HECTD2: variants seen among roughly 807,000 people sequenced by gnomAD.
HECTD2 encodes the protein probable E3 ubiquitin-protein ligase HECTD2.
In HECTD2, 35 loss-of-function variants were observed where a neutral mutation model predicts 103.2. The ratio of observed to expected loss-of-function variants is 0.34; its 90% CI spans 0.26 to 0.45. The LOEUF (loss-of-function observed/expected upper bound fraction) is 0.45, where lower values mean the gene tolerates loss of function less well. Among genes scored for constraint, HECTD2 ranks in the 20% least tolerant of loss-of-function variants. The pLI, the probability that HECTD2 is intolerant of heterozygous loss-of-function variation, is 1.00. For synonymous variants in HECTD2, 281 were observed against 329.9 expected (o/e 0.85, Z 1.61); for missense variants, 596 against 937.4 (o/e 0.64, Z 4.76).
rs554730817 is a variant in HECTD2 at position 91,483,176 on chromosome 10, T to G, written c.821+100T>G. The G allele has an allele frequency of 1.8e-4, 88 of 483,898 alleles. 1 individual carries two copies. The highest frequency in any genetic ancestry group is 1.7e-3 in the Middle Eastern group (3 of 1,800). 30.0% of individuals were successfully genotyped at this position (483,898 alleles called of 1,614,324 possible). ...AATATATTTAAATATTTTCAGGTCT[T>G]TAGAAATGATGCTTATATTCACAAT... On this transcript the variant is annotated intron_variant, in intron 8 of 20. Coordinates refer to ENST00000298068, the MANE Select transcript of HECTD2 (RefSeq NM_182765.6).
intron 2 of HECTD2, among the ~76,000 whole-genome samples, chr10:91,450,920 G>A (rs1442970380): frequency 6.6e-6 from 1 of 152,108 alleles, no homozygotes; most frequent in Non-Finnish European, 1.5e-5. Context: ...GTTGGTGGGA[G>A]TGTAAATTCA....
chr10:91,426,850 A>G (rs1248477946), intron 2 of HECTD2, among the ~76,000 whole-genome samples: 1 of 150,242 alleles, frequency 6.7e-6, no homozygotes, highest in Non-Finnish European at 1.5e-5. Context: ...AACTTGGGGT[A>G]TTTTTTTTTA....
intron 15 of HECTD2, 24 bp from the exon 16 acceptor site, chr10:91,498,084 T>C (rs764506596): frequency 2.6e-6 from 4 of 1,534,796 alleles, no homozygotes; most frequent in Non-Finnish European, 9.0e-7. Flanking sequence ...ATTGAAAAAA[T>C]CATTAACAGA....
intron 20 of HECTD2, among the ~76,000 whole-genome samples, chr10:91,509,140 G>T (rs1451029014): frequency 2.6e-5 from 3 of 113,520 alleles, no homozygotes; most frequent in African/African-American, 6.7e-5. Flanking sequence ...GGGGGGAGGG[G>T]GGAGGGATAG....
At chr10:91,427,137 G>C (rs1263314766) in intron 2 of HECTD2, among the ~76,000 whole-genome samples, 1 of 150,778 alleles carries the variant, frequency 6.6e-6, no homozygotes, top group Non-Finnish European at 1.5e-5. Context: ...TACTGAGAAT[G>C]ATGATTTCCA....
chr10:91,443,276 C>T (rs1284904850), intron 2 of HECTD2, among the ~76,000 whole-genome samples: 2 of 103,054 alleles, frequency 1.9e-5, no homozygotes, highest in Non-Finnish European at 3.7e-5. Flanking sequence ...TTTGTGTGGA[C>T]ATCCTTTTTG....
At chr10:91,445,618 C>T (rs11186572) in intron 2 of HECTD2, among the ~76,000 whole-genome samples, 15,468 of 152,028 alleles carry the variant, frequency 0.1, 1,012 homozygotes, top group East Asian at 0.16. Context: ...GGAACAGCTC[C>T]GGTCTGCAGC....
At chr10:91,488,712 GGTGA>G (rs764631054) in intron 11 of HECTD2, 1 of 152,122 alleles carries the variant, frequency 6.6e-6, no homozygotes, top group Non-Finnish European at 1.5e-5. Context: ...GTTCCCAGAA[GGTGA>G]GTATTTCTTT....
intron 1 of HECTD2, among the ~76,000 whole-genome samples, chr10:91,420,592 GAA>G (rs770680688): frequency 1.9e-5 from 2 of 105,162 alleles, no homozygotes. Flanking sequence ...TATCTCAAAA[GAA>G]AAAAAAAAAA....
Position 91,493,398 on chromosome 10 carries a change from CATT to C in HECTD2, c.1433-18_1433-16del, listed in dbSNP as rs1012393142. ...TTTAAGTCAATCATGTTAATAATAACATTATTCGTGTGTTTTTTTAGGCATGTT... is the reference window on the plus strand; with the variant it reads ...TTTAAGTCAATCATGTTAATAATAACATTCGTGTGTTTTTTTAGGCATGTT... On this transcript the variant is annotated intron_variant, in intron 13 of 20. Transcript: ENST00000298068. 6.7e-6 allele frequency: 9 copies of C among 1,345,296 alleles called. No individual in the cohort carries two copies. The highest frequency in any genetic ancestry group is 1.5e-5 in the African/African-American group (1 of 66,346). 83.3% of individuals were successfully genotyped at this position (1,345,296 alleles called of 1,614,324 possible). A position where few individuals can be genotyped will look rare whatever the true frequency, so the allele number is the denominator to read the frequency against.
rs147406640 is a variant in HECTD2, at chr10:91,479,600, C to G, written c.665+1335C>G. Among the ~76,000 whole-genome samples the G allele has an allele frequency of 3.4e-3, 521 of 152,148 alleles. 3 individuals are homozygous for G. Among genetic ancestry groups the G allele is most frequent in the South Asian group, 7.1e-3 (34 of 4,812 alleles). ...GTACTGTAATTTACCTAACCATTCT[C>G]CAAGAATGGTTGTTTATGTGAATAA... On this transcript the variant is annotated intron_variant, in intron 6 of 20. Coordinates refer to ENST00000298068, the MANE Select transcript of HECTD2 (RefSeq NM_182765.6).
At chr10:91,438,944 T>C (rs1844262895) in intron 2 of HECTD2, among the ~76,000 whole-genome samples, 1 of 152,184 alleles carries the variant, frequency 6.6e-6, no homozygotes, top group Admixed American at 6.6e-5. Flanking sequence ...TTCTTGCAAA[T>C]TTGTTGAAGT....
At chr10:91,480,708 AC>A (rs1278678695) in intron 6 of HECTD2, among the ~76,000 whole-genome samples, 2 of 152,108 alleles carry the variant, frequency 1.3e-5, no homozygotes, top group Admixed American at 1.3e-4. Context: ...TTAGGAATGA[AC>A]CTAGAAACAC....
At chr10:91,419,392 T>C (rs1843258949) in intron 1 of HECTD2, among the ~76,000 whole-genome samples, 1 of 152,070 alleles carries the variant, frequency 6.6e-6, no homozygotes, top group Non-Finnish European at 1.5e-5. Context: ...TTTAACTATA[T>C]GTTAATAGCA....
chr10:91,434,057 A>G (rs1844010831), intron 2 of HECTD2, among the ~76,000 whole-genome samples: 1 of 151,978 alleles, frequency 6.6e-6, no homozygotes, highest in Non-Finnish European at 1.5e-5. Context: ...ATAAACACAC[A>G]TCATTGAACT....
At chr10:91,432,920 C>G (rs967177548) in intron 2 of HECTD2, among the ~76,000 whole-genome samples, 1 of 151,930 alleles carries the variant, frequency 6.6e-6, no homozygotes, top group Non-Finnish European at 1.5e-5. Flanking sequence ...GTGTGTGAGT[C>G]CTGTGATCTT....
chr10:91,422,086 A>G (rs1357640342), intron 1 of HECTD2, among the ~76,000 whole-genome samples: 3 of 152,136 alleles, frequency 2.0e-5, no homozygotes, highest in Non-Finnish European at 4.4e-5. Context: ...ATTTTTTTCT[A>G]AAATACAGAT....
rs142073626 is a variant in HECTD2 at position 91,513,788 on chromosome 10, A to G, written c.*1404A>G. The G allele has an allele frequency of 1.3e-5, 2 of 152,714 alleles. No individual in the cohort carries two copies. Among genetic ancestry groups the G allele is most frequent in the African/African-American group, 4.8e-5 (2 of 41,572 alleles). 9.5% of individuals were successfully genotyped at this position (152,714 alleles called of 1,614,324 possible). A position where few individuals can be genotyped will look rare whatever the true frequency, so the allele number is the denominator to read the frequency against. On this transcript the variant is annotated 3_prime_UTR_variant, in exon 21 of 21. Transcript: ENST00000298068. ...TTCTGGGCTAGGCTATTTTCTTGCT[A>G]TGCTTCCTGCACCCAACCAGCAGAA...
intron 20 of HECTD2, among the ~76,000 whole-genome samples, chr10:91,509,241 A>T (rs866753658): frequency 2.5e-4 from 38 of 151,984 alleles, no homozygotes; most frequent in African/African-American, 8.7e-4. Flanking sequence ...AACCTGCACA[A>T]TGTGCACATG....
Sources: allele counts gnomAD v4.1 joint callset (sites outside exome capture counted in the v4.1 genomes callset), GRCh38; gene constraint gnomAD v4.1.1; transcripts MANE v1.5; gene names NCBI Gene and HGNC (gene_info 2026-07-23, HGNC 2026-07-21).